Variants in SLAIN1 observed in about 807,000 individuals in gnomAD.
The protein encoded by SLAIN1 is SLAIN motif-containing protein 1.
In SLAIN1, 17 loss-of-function variants were observed where a neutral mutation model predicts 55.4. The observed-to-expected ratio is 0.31, with a 90% CI of 0.21 to 0.46. The LOEUF is 0.46. Among genes scored for constraint, SLAIN1 ranks in the 20% least tolerant of loss-of-function variants. SLAIN1 has a pLI of 1.00. For missense variants in SLAIN1, 682 were observed against 785.1 expected (o/e 0.87, Z 1.57); for synonymous variants, 348 against 337.4 (o/e 1.03, Z -0.35).
At chr13:77,726,891 T>C (rs898526892) in intron 2 of SLAIN1, among the ~76,000 whole-genome samples, 2 of 152,328 alleles carry the variant, frequency 1.3e-5, no homozygotes, top group African/African-American at 4.8e-5. Context: ...AGTGTTGTTA[T>C]AAGGAAATAG....
intron 1 of SLAIN1, among the ~76,000 whole-genome samples, chr13:77,718,893 C>G (rs1475336767): frequency 1.3e-5 from 2 of 152,098 alleles, no homozygotes; most frequent in African/African-American, 4.8e-5. Context: ...ATTTTGAATA[C>G]TATCCATTAC....
intron 2 of SLAIN1, among the ~76,000 whole-genome samples, chr13:77,736,670 T>C (rs1376648693): frequency 6.6e-6 from 1 of 152,154 alleles, no homozygotes; most frequent in Non-Finnish European, 1.5e-5. Flanking sequence ...CTGAATCTGC[T>C]CTCATCAGTG....
intron 1 of SLAIN1, among the ~76,000 whole-genome samples, chr13:77,713,596 T>C (rs1308122086): frequency 6.6e-6 from 1 of 152,172 alleles, no homozygotes; most frequent in African/African-American, 2.4e-5. Flanking sequence ...GTTCAACCAT[T>C]GTAGAAGACA....
intron 1 of SLAIN1, among the ~76,000 whole-genome samples, chr13:77,703,540 A>G (rs1372119206): frequency 6.6e-6 from 1 of 152,074 alleles, no homozygotes; most frequent in Non-Finnish European, 1.5e-5. Flanking sequence ...AGTAACTTTT[A>G]AATGTTGAAG....
intron 2 of SLAIN1, among the ~76,000 whole-genome samples, chr13:77,720,209 A>C (rs1566227301): frequency 6.6e-6 from 1 of 152,214 alleles, no homozygotes; most frequent in Admixed American, 6.5e-5. Context: ...AAAAACAGCA[A>C]AAATGAATGA....
At chr13:77,700,774 A>G (rs1051654260) in intron 1 of SLAIN1, among the ~76,000 whole-genome samples, 20 of 152,070 alleles carry the variant, frequency 1.3e-4, no homozygotes, top group Admixed American at 2.6e-4. Flanking sequence ...TCCTGTGTTT[A>G]TTAAGAAACA....
At chr13:77,758,927 A>G (rs1237803340) in intron 5 of SLAIN1, among the ~76,000 whole-genome samples, 1 of 152,028 alleles carries the variant, frequency 6.6e-6, no homozygotes, top group African/African-American at 2.4e-5. Context: ...TTGGTTCCAT[A>G]TGAATTTTAG....
chr13:77,719,504 A>G, intron 1 of SLAIN1, 28 bp from the exon 2 acceptor site: 1 of 1,574,686 alleles, frequency 6.4e-7, no homozygotes, highest in Non-Finnish European at 8.7e-7. Context: ...CCTATATCAT[A>G]CCTATAATGT....
rs534077213 is a variant in SLAIN1 at position 77,719,990 on chromosome 13, A to G, written c.766+319A>G. On this transcript the variant is annotated intron_variant, in intron 2 of 6. Coordinates refer to ENST00000418532, the MANE Select transcript of SLAIN1 (RefSeq NM_001242868.2). ...TGTCAGTTATCAGTGCTCTGGGGTC[A>G]GTAACAAGGTTGTGTGGCTGTTTTC... is the stretch of plus-strand genomic sequence containing the variant. Among the ~76,000 whole-genome samples, 4 of 152,156 alleles carry G rather than the reference A, an allele frequency of 2.6e-5. No individual in the cohort carries two copies. The East Asian group carries it at 5.8e-4, about 22-fold the overall frequency.
At chr13:77,753,179 T>A in intron 4 of SLAIN1, 24 bp from the exon 5 acceptor site, 1 of 1,566,158 alleles carries the variant, frequency 6.4e-7, no homozygotes, top group Non-Finnish European at 8.6e-7. Flanking sequence ...CTGTCATTTT[T>A]AACTTAGTAA....
chr13:77,744,323 T>C lies in SLAIN1; in HGVS notation c.807T>C (p.Ser269=), dbSNP rs768898095. 12 of 1,612,780 alleles carry C rather than the reference T, an allele frequency of 7.4e-6. No homozygotes were observed. The South Asian group carries it at 1.3e-4, about 18-fold the overall frequency. Residue 269 remains serine (S), a synonymous_variant, in exon 3 of 7, where the codon TCT becomes TCC. Transcript: ENST00000418532. ...SRGSPLSPQS[S]IDSELSTSEL... ...GCTCCCCACTCAGTCCCCAGTCATC[T>C]ATCGACAGTGAGCTGAGTACTTCAG...
At chr13:77,706,092 T>C (rs922779994) in intron 1 of SLAIN1, among the ~76,000 whole-genome samples, 1 of 152,150 alleles carries the variant, frequency 6.6e-6, no homozygotes, top group Non-Finnish European at 1.5e-5. Context: ...TGCTGAGTCC[T>C]TCACATAGGC....
chr13:77,722,934 G>C (rs1011338208), intron 2 of SLAIN1, among the ~76,000 whole-genome samples: 1 of 152,084 alleles, frequency 6.6e-6, no homozygotes, highest in Non-Finnish European at 1.5e-5. Context: ...TTTTAATAGA[G>C]ATGTGGTTTC....
chr13:77,698,524 A>G lies in SLAIN1; in HGVS notation c.611A>G (p.Glu204Gly). ...GAGAGCGTAGCCGCCTGGCGGGACG[A>G]GGACGACTACACCTGGTACTGCCTG... ...DLESVAAWRD[E>G]DDYTWLYIGS... is the part of the protein sequence containing the mutation. Residue 204 changes from glutamate to glycine, a missense_variant, in exon 1 of 7, where the codon GAG becomes GGG. Physicochemically the swap from Glu to Gly is moderately conservative, Grantham distance 98. This residue lies in a region of SLAIN1 where 401 missense variants were observed against 417.3 expected (regional missense o/e 0.96). Coordinates refer to ENST00000418532, the MANE Select transcript of SLAIN1 (RefSeq NM_001242868.2). The surrounding 1 kb of genome is among the most constrained non-coding windows in gnomAD (Gnocchi z 4.1). The G allele has an allele frequency of 6.9e-7, 1 of 1,444,578 alleles. No homozygotes were observed. Among genetic ancestry groups the G allele is most frequent in the Non-Finnish European group, 9.0e-7 (1 of 1,106,368 alleles). The allele number at this position is 1,444,578 out of a possible 1,614,324, so 89.5% of individuals were successfully genotyped here. A position where few individuals can be genotyped will look rare whatever the true frequency, so the allele number is the denominator to read the frequency against.
chr13:77,760,718 C>T (rs1476357958), intron 5 of SLAIN1, 110 bp from the exon 6 acceptor site: 4 of 1,142,208 alleles, frequency 3.5e-6, no homozygotes, highest in East Asian at 2.4e-5. Flanking sequence ...TTTTCTCCTC[C>T]TGTGTATATT....
rs1875214847 is a variant in SLAIN1, at chr13:77,763,423, A to G, written c.*203A>G. 2 of 564,588 alleles carry G rather than the reference A, an allele frequency of 3.5e-6. No individual in the cohort carries two copies. Among genetic ancestry groups the G allele is most frequent in the Non-Finnish European group, 6.3e-6 (2 of 318,548 alleles). The allele number at this position is 564,588 out of a possible 1,614,324, so 35.0% of individuals were successfully genotyped here. ...GCCTGAGATACTGCAACATTCTCAA[A>G]CCCATGGTTGCAGTATTGTGACACT... is the stretch of plus-strand genomic sequence containing the variant. On this transcript the variant is annotated 3_prime_UTR_variant, in exon 7 of 7. Transcript: ENST00000418532.
At position 77,697,983 on chromosome 13, in the gene SLAIN1, A is replaced by G. The variant is rs1333235278; in HGVS notation, c.70A>G (p.Asn24Asp). ...TGGAGCGGGCTCCGGGCCGGTGGTG[A>G]ACGCGGAGCTGGAGGTGAAGAAGCT... ...SSGAGSGPVV[N>D]AELEVKKLQE... The change falls in exon 1 of 7, where the codon AAC (asparagine) becomes GAC (aspartate). Residue 24 changes from asparagine (N) to aspartate (D), a missense_variant. Transcript: ENST00000418532. 2.8e-6 allele frequency: 4 copies of G among 1,446,678 alleles called. No homozygotes were observed. Among genetic ancestry groups the G allele is most frequent in the African/African-American group, 3.0e-5 (2 of 66,902 alleles). 89.6% of individuals were successfully genotyped at this position (1,446,678 alleles called of 1,614,324 possible).
rs138100125 is a variant in SLAIN1 at position 77,738,042 on chromosome 13, A to G, written c.767-6241A>G. 2.0e-3 allele frequency among the ~76,000 whole-genome samples: 304 copies of G among 152,164 alleles called. 1 individual carries two copies. The highest frequency in any genetic ancestry group is 7.1e-3 in the African/African-American group (296 of 41,538). On this transcript the variant is annotated intron_variant, in intron 2 of 6. Transcript: ENST00000418532. ...TGACTGTGGAGCAGGGAAATGCCACATGCTGTGTGTATCTGTGGAAGATAT... is the reference window on the plus strand; with the variant it reads ...TGACTGTGGAGCAGGGAAATGCCACGTGCTGTGTGTATCTGTGGAAGATAT...
chr13:77,717,037 A>G (rs761663677), intron 1 of SLAIN1, among the ~76,000 whole-genome samples: 2 of 152,002 alleles, frequency 1.3e-5, no homozygotes, highest in Non-Finnish European at 2.9e-5. Flanking sequence ...TCTGTTTCCG[A>G]TTTGATGAGA....
Sources: gnomAD v4.1 joint callset for allele counts (sites outside exome capture counted in the v4.1 genomes callset) on GRCh38, gnomAD v4.1.1 for gene constraint, gnomAD v4.1.1 regional missense constraint, Gnocchi (gnomAD v3.1) non-coding constraint, MANE v1.5 for transcripts, NCBI Gene and HGNC (gene_info 2026-07-23, HGNC 2026-07-21) for gene names.